Variants in MICU3 observed in about 807,000 individuals in gnomAD.
MICU3 encodes mitochondrial calcium uptake 3, also known as calcium uptake protein 3, mitochondrial.
A neutral mutation model predicts 66.5 loss-of-function variants in MICU3; 62 were observed. The observed-to-expected ratio is 0.93, with a 90% CI of 0.76 to 1.15. MICU3 has a LOEUF of 1.15. MICU3 is among the 50% of genes most tolerant of loss of function. The probability of loss-of-function intolerance (pLI) is 0.00; values close to 1 mark genes in which losing one functional copy is unlikely to be tolerated. For missense variants in MICU3, 779 were observed against 664.4 expected (o/e 1.17, Z -1.90); for synonymous variants, 308 against 240.7 (o/e 1.28, Z -2.59).
chr8:17,054,079 T>A (rs1816523652), intron 1 of MICU3, among the ~76,000 whole-genome samples: 1 of 152,184 alleles, frequency 6.6e-6, no homozygotes, highest in South Asian at 2.1e-4. Context: ...AGAAAAAAAA[T>A]TCCGTTTCAG....
intron 1 of MICU3, among the ~76,000 whole-genome samples, chr8:17,059,943 G>T (rs1455868332): frequency 6.6e-6 from 1 of 152,114 alleles, no homozygotes; most frequent in Non-Finnish European, 1.5e-5. Flanking sequence ...CAAAATACTA[G>T]TAGGATTTTT....
chr8:17,029,653 T>G (rs1811679264), intron 1 of MICU3, among the ~76,000 whole-genome samples: 1 of 152,196 alleles, frequency 6.6e-6, no homozygotes, highest in South Asian at 2.1e-4. Flanking sequence ...CCTTTTGTAT[T>G]TCCCTCTCTG....
At position 17,061,800 on chromosome 8, in the gene MICU3, G is replaced by A. The variant is rs111292133; in HGVS notation, c.382-2284G>A. 5.3e-5 allele frequency among the ~76,000 whole-genome samples: 8 copies of A among 152,270 alleles called. 1 individual carries two copies. Among genetic ancestry groups the A allele is most frequent in the African/African-American group, 1.9e-4 (8 of 41,542 alleles). ...ACCCTGAGATATGTATATACAAGGG[G>A]ACTAAGATGGTAGTCTGATCCCCGA... is the stretch of plus-strand genomic sequence containing the variant. On this transcript the variant is annotated intron_variant, in intron 1 of 14. Coordinates refer to ENST00000318063, the MANE Select transcript of MICU3 (RefSeq NM_181723.3).
chr8:17,066,826 C>A (rs573146123), intron 2 of MICU3, among the ~76,000 whole-genome samples: 2 of 152,042 alleles, frequency 1.3e-5, no homozygotes, highest in South Asian at 4.2e-4. Context: ...GGATTACAGG[C>A]GTGAGCTACT....
intron 9 of MICU3, 96 bp downstream of exon 9, chr8:17,098,649 A>G (rs1394915762): frequency 1.1e-5 from 9 of 803,870 alleles, no homozygotes; most frequent in Non-Finnish European, 1.3e-5. Context: ...CCCAACATGT[A>G]TGTTACATTT....
chr8:17,027,487 G>A lies in MICU3; in HGVS notation c.208G>A (p.Ala70Thr). 1 of 1,282,174 alleles carries A rather than the reference G, an allele frequency of 7.8e-7. No individual in the cohort carries two copies. Among genetic ancestry groups the A allele is most frequent in the Non-Finnish European group, 9.8e-7 (1 of 1,018,858 alleles). 79.4% of individuals were successfully genotyped at this position (1,282,174 alleles called of 1,614,324 possible). Residue 70 changes from alanine (A) to threonine (T), a missense_variant, in exon 1 of 15, where the codon GCG becomes ACG. Physicochemically the swap from Ala to Thr is moderately conservative, Grantham distance 58. Coordinates refer to ENST00000318063, the MANE Select transcript of MICU3 (RefSeq NM_181723.3). The part of the protein sequence containing the change: ...RRRRWGELSV[A>T]AAAGGGLVGL... ...GCGGCGCTGGGGGGAGCTGAGCGTG[G>A]CGGCGGCGGCCGGCGGGGGGCTGGT...
chr8:17,049,507 T>G (rs977638153), intron 1 of MICU3: 2 of 492,808 alleles, frequency 4.1e-6, no homozygotes, highest in African/African-American at 4.0e-5. Flanking sequence ...GTTTGTGGGC[T>G]TAGTATTTAT....
intron 3 of MICU3, among the ~76,000 whole-genome samples, chr8:17,076,457 T>C (rs1373237077): frequency 6.6e-6 from 1 of 152,196 alleles, no homozygotes; most frequent in African/African-American, 2.4e-5. Context: ...ATTCCTATTC[T>C]ATAATCAGAT....
rs1271244638 is a variant in MICU3, at chr8:17,120,546, T to A, written c.*259T>A. 1 of 152,246 alleles carries A rather than the reference T, an allele frequency of 6.6e-6. No individual in the cohort carries two copies. The allele number at this position is 152,246 out of a possible 1,614,324, so 9.4% of individuals were successfully genotyped here. ...TTGCTGAACTCTCTGCACTTTTTCA[T>A]TCCCTTCAGAAGTATATAGATACTT... On this transcript the variant is annotated 3_prime_UTR_variant, in exon 15 of 15. Coordinates refer to ENST00000318063, the MANE Select transcript of MICU3 (RefSeq NM_181723.3).
chr8:17,090,534 G>A lies in MICU3; in HGVS notation c.850-12G>A. On this transcript the variant is annotated splice_polypyrimidine_tract_variant and intron_variant, in intron 7 of 14. Transcript: ENST00000318063. ...TATGACACTTCATTTGGCCCTTTGTGCTCTATGTCAGCGTCTTCAACTTTA... is the reference window on the plus strand; with the variant it reads ...TATGACACTTCATTTGGCCCTTTGTACTCTATGTCAGCGTCTTCAACTTTA... The A allele has an allele frequency of 1.2e-6, 2 of 1,609,442 alleles. No homozygotes were observed. The highest frequency in any genetic ancestry group is 1.7e-6 in the Non-Finnish European group (2 of 1,177,748).
At chr8:17,065,685 T>G (rs1210806317) in intron 2 of MICU3, among the ~76,000 whole-genome samples, 1 of 152,120 alleles carries the variant, frequency 6.6e-6, no homozygotes, top group African/African-American at 2.4e-5. Flanking sequence ...AACAGGAAAA[T>G]GTCCACTAGA....
At chr8:17,069,113 G>T (rs1819160571) in intron 2 of MICU3, among the ~76,000 whole-genome samples, 1 of 152,166 alleles carries the variant, frequency 6.6e-6, no homozygotes, top group African/African-American at 2.4e-5. Context: ...TCTTACTCCA[G>T]TGATGCTTCT....
chr8:17,070,976 G>C (rs532420738), intron 3 of MICU3, among the ~76,000 whole-genome samples: 48 of 152,326 alleles, frequency 3.2e-4, no homozygotes, highest in African/African-American at 1.0e-3. Context: ...GGATAGGACA[G>C]AGTTGGACAG....
intron 1 of MICU3, among the ~76,000 whole-genome samples, chr8:17,045,546 C>G (rs745338733): frequency 6.6e-6 from 1 of 152,160 alleles, no homozygotes; most frequent in Non-Finnish European, 1.5e-5. Context: ...TAAAAAGACC[C>G]AAGAGGGCAG....
At chr8:17,074,830 T>A (rs1820138309) in intron 3 of MICU3, among the ~76,000 whole-genome samples, 1 of 152,156 alleles carries the variant, frequency 6.6e-6, no homozygotes. Flanking sequence ...TCTAGGAGAC[T>A]GACTTTAATT....
chr8:17,047,632 C>A (rs779407159), intron 1 of MICU3, among the ~76,000 whole-genome samples: 1 of 152,150 alleles, frequency 6.6e-6, no homozygotes, highest in Non-Finnish European at 1.5e-5. Flanking sequence ...TAGACGAATC[C>A]ATCGCAACAG....
chr8:17,105,270 T>G lies in MICU3; in HGVS notation c.1086-143T>G, dbSNP rs577671139. The G allele has an allele frequency of 1.9e-4, 105 of 552,058 alleles. No homozygotes were observed. In the African/African-American group the frequency reaches 2.1e-3, roughly 11 times the overall value. 34.2% of individuals were successfully genotyped at this position (552,058 alleles called of 1,614,324 possible). ...ATCGTGTGTTCTTTTCATTCTCATT[T>G]ACAGGGAGGAACTTTATTAATCTTT... is the stretch of plus-strand genomic sequence containing the variant. On this transcript the variant is annotated intron_variant, in intron 10 of 14. Transcript: ENST00000318063.
At chr8:17,037,999 C>T (rs148597068) in intron 1 of MICU3, among the ~76,000 whole-genome samples, 4 of 152,280 alleles carry the variant, frequency 2.6e-5, no homozygotes, top group South Asian at 2.1e-4. Flanking sequence ...GTCTCTACCC[C>T]CTTTGTATCT....
chr8:17,114,091 A>G lies in MICU3; in HGVS notation c.1258-2A>G. On this transcript the variant is annotated splice_acceptor_variant, in intron 11 of 14. Transcript: ENST00000318063. LOFTEE classifies it high-confidence loss of function. ...GTATTTTCATTTCCTTTCCCAATAT[A>G]GGGCATCACATTTGATGAATTCAGG... is the stretch of plus-strand genomic sequence containing the variant. 1 of 1,592,564 alleles carries G rather than the reference A, an allele frequency of 6.3e-7. No homozygotes were observed. Among genetic ancestry groups the G allele is most frequent in the Non-Finnish European group, 8.6e-7 (1 of 1,164,836 alleles).
Sources: gnomAD v4.1 joint callset for allele counts (sites outside exome capture counted in the v4.1 genomes callset) on GRCh38, gnomAD v4.1.1 for gene constraint, MANE v1.5 for transcripts, NCBI Gene and HGNC (gene_info 2026-07-23, HGNC 2026-07-21) for gene names.